CLN6: variants seen among roughly 807,000 people sequenced by gnomAD.
The protein encoded by CLN6 is CLN6 transmembrane ER protein.
A neutral mutation model predicts 33.3 loss-of-function variants in CLN6; 22 were observed. The observed-to-expected ratio is 0.66, with a 90% CI of 0.47 to 0.94. CLN6 has a LOEUF of 0.94. Ranked by LOEUF, CLN6 falls within the 40% of genes least tolerant of loss-of-function variation. The probability of loss-of-function intolerance (pLI) is 0.00; values close to 1 mark genes in which losing one functional copy is unlikely to be tolerated. For synonymous variants in CLN6, 201 were observed against 174.6 expected (o/e 1.15, Z -1.19); for missense variants, 387 against 417.1 (o/e 0.93, Z 0.63).
At chr15:68,223,270 T>C (rs527451626) in intron 1 of CLN6, among the ~76,000 whole-genome samples, 141 of 152,030 alleles carry the variant, frequency 9.3e-4, no homozygotes, top group African/African-American at 3.4e-3. Flanking sequence ...GAGGTGGAAG[T>C]GAAGAAGGTT....
upstream of CLN6, among the ~76,000 whole-genome samples, chr15:68,232,527 TG>T (rs1335648150): frequency 6.6e-6 from 1 of 152,142 alleles, no homozygotes; most frequent in African/African-American, 2.4e-5. This position sits in a 1 kb window ranked among gnomAD's most constrained non-coding sequence, Gnocchi z 4.7. Context: ...CCTTGCCACT[TG>T]TTTTGTCCAG....
rs147623032 is a variant in CLN6 at position 68,218,598 on chromosome 15, C to A, written c.136G>T (p.Asp46Tyr). Residue 46 changes from aspartate (D) to tyrosine (Y), a missense_variant, in exon 2 of 7, where the codon GAC becomes TAC. Physicochemically the swap from Asp to Tyr is radical, Grantham distance 160. Transcript: ENST00000249806. ...EAARTAPFHL[D>Y]LWFYFTLQNW... ...TGCAGTGTGAAGTAGAACCAGAGGT[C>A]GAGGTGGAAGGGAGCCGTGCGGGCA... The A allele has an allele frequency of 1.2e-6, 2 of 1,613,760 alleles. No individual in the cohort carries two copies. Among genetic ancestry groups the A allele is most frequent in the South Asian group, 1.1e-5 (1 of 91,020 alleles).
Position 68,214,371 on chromosome 15 carries a change from C to T in CLN6, c.216G>A (p.Glu72=), listed in dbSNP as rs1260953268. The change falls in exon 3 of 7, where the codon GAG becomes GAA. Residue 72 remains glutamate, a synonymous_variant. Transcript: ENST00000249806. ...CACTGGGCTTGTTGAGTGGAAACCA[C>T]TCGAGAGGGAATACCAGCTGCGGAG... ...RPIAMLVFPL[E]WFPLNKPSVG... The T allele has an allele frequency of 6.2e-7, 1 of 1,613,790 alleles. No individual in the cohort carries two copies. Among genetic ancestry groups the T allele is most frequent in the African/African-American group, 1.3e-5 (1 of 74,934 alleles).
intron 1 of CLN6, chr15:68,254,578 C>A: frequency 1.8e-6 from 1 of 560,962 alleles, no homozygotes; most frequent in Non-Finnish European, 3.2e-6. Context: ...GACCCCAGGA[C>A]AGATCAAAGC....
rs936215251 is a variant in CLN6, at chr15:68,227,055, T to C, written c.83+2447A>G. Among the ~76,000 whole-genome samples, 29 of 151,752 alleles carry C rather than the reference T, an allele frequency of 1.9e-4. No homozygotes were observed. Among genetic ancestry groups the C allele is most frequent in the African/African-American group, 7.0e-4 (29 of 41,354 alleles). ...TCTTTTCTTTTTTTACTTTTTTTTT[T>C]TTTTGAGACAGTCTCACTGTCATCC... is the stretch of plus-strand genomic sequence containing the variant. On this transcript the variant is annotated intron_variant, in intron 1 of 6. Transcript: ENST00000249806. This position sits in a 1 kb window ranked among gnomAD's most constrained non-coding sequence, Gnocchi z 4.1.
chr15:68,244,089 AAAC>A (rs201754260), intron 1 of CLN6, among the ~76,000 whole-genome samples: 74 of 44,898 alleles, frequency 1.6e-3, no homozygotes, highest in Middle Eastern at 0.014. Context: ...AACAAAAAAC[AAAC>A]AAAAAAAAAA....
At chr15:68,225,498 T>G (rs1437390711) in intron 1 of CLN6, among the ~76,000 whole-genome samples, 3 of 152,130 alleles carry the variant, frequency 2.0e-5, no homozygotes, top group African/African-American at 7.2e-5. Context: ...TATTTTAGTT[T>G]TGGAGACAAG....
chr15:68,224,262 T>C (rs1304820620), intron 1 of CLN6, among the ~76,000 whole-genome samples: 3 of 89,748 alleles, frequency 3.3e-5, no homozygotes, highest in African/African-American at 1.3e-4. Flanking sequence ...TAAGACCTTA[T>C]TGCAAAAAAA....
At chr15:68,244,781 G>A (rs1355560716) in intron 1 of CLN6, among the ~76,000 whole-genome samples, 6 of 151,986 alleles carry the variant, frequency 3.9e-5, no homozygotes, top group South Asian at 2.1e-4. Flanking sequence ...AGGCAATAGC[G>A]GCCAGGCACA....
At chr15:68,252,338 G>A (rs908114431) in intron 1 of CLN6, among the ~76,000 whole-genome samples, 2 of 151,988 alleles carry the variant, frequency 1.3e-5, no homozygotes, top group African/African-American at 4.8e-5. Context: ...ACATGAATAG[G>A]CACTTTACCA....
At chr15:68,232,765 T>C (rs918397430), upstream of CLN6, among the ~76,000 whole-genome samples, 4 of 152,128 alleles carry the variant, frequency 2.6e-5, no homozygotes, top group East Asian at 1.9e-4. The surrounding 1 kb of genome is among the most constrained non-coding windows in gnomAD (Gnocchi z 4.7). Context: ...TCCTGGGCCA[T>C]GCGCAGTGGC....
chr15:68,252,378 T>C (rs1892390127), intron 1 of CLN6, among the ~76,000 whole-genome samples: 1 of 152,116 alleles, frequency 6.6e-6, no homozygotes, highest in African/African-American at 2.4e-5. Flanking sequence ...CCAACAAACA[T>C]GAAAAGATGC....
intron 1 of CLN6, among the ~76,000 whole-genome samples, chr15:68,251,404 G>A (rs1027842428): frequency 1.3e-5 from 2 of 152,166 alleles, no homozygotes; most frequent in African/African-American, 4.8e-5. Flanking sequence ...GTCAGGCGCA[G>A]TGGCTCACAC....
chr15:68,254,503 A>G, intron 1 of CLN6: 1 of 352,412 alleles, frequency 2.8e-6, no homozygotes, highest in Admixed American at 4.2e-5. Context: ...TCTCTTAATA[A>G]ATTTTAATGT....
Position 68,211,067 on chromosome 15 carries a change from G to C in CLN6, c.542+196C>G, listed in dbSNP as rs1385904586. Among the ~76,000 whole-genome samples, 1 of 152,202 alleles carries C rather than the reference G, an allele frequency of 6.6e-6. No homozygotes were observed. Among genetic ancestry groups the C allele is most frequent in the South Asian group, 2.1e-4 (1 of 4,834 alleles). On this transcript the variant is annotated intron_variant, in intron 5 of 6. Transcript: ENST00000249806. The surrounding 1 kb of genome is among the most constrained non-coding windows in gnomAD (Gnocchi z 5.9). ...CTGGAAGCCGGGGCCTGGAGCCTGG[G>C]ACAGCAGCTGGGTCTCCCGGGCAAC...
chr15:68,211,327 G>A lies in CLN6; in HGVS notation c.487-9C>T, dbSNP rs555379379. 6.2e-7 allele frequency: 1 copy of A among 1,613,938 alleles called. No individual in the cohort carries two copies. Among genetic ancestry groups the A allele is most frequent in the East Asian group, 2.2e-5 (1 of 44,878 alleles). The stretch of plus-strand genomic sequence containing the variant: ...AGCTCAAAGGAGTCGATCTGAGGGA[G>A]GAACGGGCAGGGCAGAGTCGGGGGA... On this transcript the variant is annotated splice_polypyrimidine_tract_variant and intron_variant, in intron 4 of 6. Transcript: ENST00000249806. This position sits in a 1 kb window ranked among gnomAD's most constrained non-coding sequence, Gnocchi z 5.9.
intron 1 of CLN6, among the ~76,000 whole-genome samples, chr15:68,248,960 C>CCAACAACAACAAAAAA (rs1435936385): frequency 3.9e-5 from 6 of 152,022 alleles, no homozygotes; most frequent in East Asian, 1.9e-4. Flanking sequence ...AATAGCAAAA[C>CCAACAACAACAAAAAA]CAACAACAAC....
chr15:68,243,811 C>T (rs576359638), intron 1 of CLN6, among the ~76,000 whole-genome samples: 5 of 150,604 alleles, frequency 3.3e-5, no homozygotes, highest in African/African-American at 1.2e-4. Context: ...CGCCTGTAAT[C>T]CCAGCACTTT....
At chr15:68,221,372 C>G (rs2093235476) in intron 1 of CLN6, among the ~76,000 whole-genome samples, 1 of 152,118 alleles carries the variant, frequency 6.6e-6, no homozygotes, top group Admixed American at 6.5e-5. Context: ...CCTGGGATCG[C>G]AGGCACACGC....
Sources: allele counts gnomAD v4.1 joint callset (sites outside exome capture counted in the v4.1 genomes callset), GRCh38; gene constraint gnomAD v4.1.1; non-coding constraint Gnocchi (gnomAD v3.1); transcripts MANE v1.5; gene names NCBI Gene and HGNC (gene_info 2026-07-23, HGNC 2026-07-21).